The following QTGAL variants were observed in gnomAD, a reference collection of about 807,000 sequenced individuals.
QTGAL encodes the protein BGnT-like protein 1.
At chr17:83,051,716 ACCC>A in the QTGAL span, 1 of 1,478,094 alleles carries the variant, frequency 6.8e-7, no homozygotes, top group Non-Finnish European at 8.9e-7. Context: ...ACGGCGGGGC[ACCC>A]TCCCCGCTGG....
chr17:83,047,961 CTCTT>C, the QTGAL span, among the ~76,000 whole-genome samples: 4 of 151,956 alleles, frequency 2.6e-5, no homozygotes, highest in South Asian at 4.1e-4. Flanking sequence ...CTTTCTTTTT[CTCTT>C]TCTTTCATTT....
the QTGAL span, chr17:83,005,775 G>T: frequency 1.1e-6 from 1 of 940,510 alleles, no homozygotes; most frequent in Non-Finnish European, 1.6e-6. This position sits in a 1 kb window ranked among gnomAD's most constrained non-coding sequence, Gnocchi z 5.6. Flanking sequence ...CATCCTGTCA[G>T]TAGCCTTGAC....
chr17:82,982,890 C>T, the QTGAL span, among the ~76,000 whole-genome samples: 1 of 151,744 alleles, frequency 6.6e-6, no homozygotes, highest in Non-Finnish European at 1.5e-5. Flanking sequence ...CGTGGAGTTT[C>T]TGGTTTGGGT....
At chr17:82,985,540 C>G in the QTGAL span, among the ~76,000 whole-genome samples, 126,155 of 152,160 alleles carry the variant, frequency 0.83, 52,815 homozygotes, top group African/African-American at 0.95. Flanking sequence ...CTGGTTCAAA[C>G]TGTGCCTCCT....
chr17:83,009,921 C>T, the QTGAL span, among the ~76,000 whole-genome samples: 1 of 141,088 alleles, frequency 7.1e-6, no homozygotes, highest in Non-Finnish European at 1.6e-5. Context: ...GAGTGAACGA[C>T]TTGCCGTCCA....
the QTGAL span, among the ~76,000 whole-genome samples, chr17:82,951,951 G>T: frequency 6.6e-6 from 1 of 152,124 alleles, no homozygotes; most frequent in Admixed American, 6.5e-5. Flanking sequence ...CATATTGCGA[G>T]AATTAACACG....
the QTGAL span, chr17:82,942,614 C>T: frequency 2.1e-6 from 2 of 964,250 alleles, no homozygotes; most frequent in Non-Finnish European, 3.2e-6. Context: ...ACAGCTTTTC[C>T]TCTCTGCACC....
chr17:83,033,992 G>A, the QTGAL span, among the ~76,000 whole-genome samples: 3 of 152,114 alleles, frequency 2.0e-5, no homozygotes, highest in Non-Finnish European at 2.9e-5. Context: ...CCAGGCTGGA[G>A]TGCAATGGCG....
At chr17:83,017,846 C>T in the QTGAL span, among the ~76,000 whole-genome samples, 28 of 150,790 alleles carry the variant, frequency 1.9e-4, no homozygotes, top group Admixed American at 7.3e-4. Context: ...TCCACAAACA[C>T]GGTGTGCCTG....
chr17:82,960,531 C>G, the QTGAL span: 2 of 153,896 alleles, frequency 1.3e-5, no homozygotes, highest in Non-Finnish European at 2.9e-5. Flanking sequence ...ATTTGCCTCA[C>G]CCCTGCCACG....
chr17:82,959,350 AGT>A, the QTGAL span, among the ~76,000 whole-genome samples: 261 of 150,848 alleles, frequency 1.7e-3, no homozygotes, highest in East Asian at 6.4e-3. Flanking sequence ...GTGTACATGC[AGT>A]GTGTGTGCAC....
the QTGAL span, among the ~76,000 whole-genome samples, chr17:82,985,676 A>G: frequency 6.6e-6 from 1 of 152,166 alleles, no homozygotes; most frequent in African/African-American, 2.4e-5. Flanking sequence ...CACGCCTCCC[A>G]CTGCCCTAAT....
the QTGAL span, among the ~76,000 whole-genome samples, chr17:82,984,643 C>A: frequency 0.71 from 53,377 of 75,072 alleles, 18,735 homozygotes; most frequent in African/African-American, 0.86. Context: ...GAGGAGGAAC[C>A]CACCCTGCCA....
the QTGAL span, among the ~76,000 whole-genome samples, chr17:82,982,404 A>G: frequency 1.4e-5 from 2 of 141,812 alleles, no homozygotes; most frequent in Non-Finnish European, 3.1e-5. Context: ...TCTTATGTCC[A>G]GAAGAAAACG....
At chr17:82,970,915 G>A in the QTGAL span, among the ~76,000 whole-genome samples, 1 of 152,216 alleles carries the variant, frequency 6.6e-6, no homozygotes, top group Non-Finnish European at 1.5e-5. Flanking sequence ...CTTTAACCCG[G>A]GTGGAGAGCG....
At chr17:83,002,570 T>C in the QTGAL span, among the ~76,000 whole-genome samples, 1 of 152,160 alleles carries the variant, frequency 6.6e-6, no homozygotes, top group Non-Finnish European at 1.5e-5. Flanking sequence ...AGATGGTCTC[T>C]GCCTCCCCCA....
chr17:83,030,161 A>C, the QTGAL span, among the ~76,000 whole-genome samples: 2 of 152,212 alleles, frequency 1.3e-5, no homozygotes, highest in African/African-American at 2.4e-5. Flanking sequence ...AAAGAAGAAA[A>C]AGAAATCATA....
the QTGAL span, among the ~76,000 whole-genome samples, chr17:83,029,053 G>A: frequency 1.3e-5 from 2 of 152,256 alleles, no homozygotes; most frequent in Non-Finnish European, 2.9e-5. Flanking sequence ...CCAAGTCAGG[G>A]CAGTGGCTGC....
At chr17:83,006,876 C>CAGTT in the QTGAL span, 1 of 931,508 alleles carries the variant, frequency 1.1e-6, no homozygotes, top group Non-Finnish European at 1.3e-6. The surrounding 1 kb of genome is among the most constrained non-coding windows in gnomAD (Gnocchi z 5.8). Context: ...GGTCACAGAA[C>CAGTT]AGTTACATGT....
Sources: allele counts gnomAD v4.1 joint callset (sites outside exome capture counted in the v4.1 genomes callset), GRCh38; gene constraint gnomAD v4.1.1; non-coding constraint Gnocchi (gnomAD v3.1); transcripts MANE v1.5; gene names NCBI Gene and HGNC (gene_info 2026-07-23, HGNC 2026-07-21).